The following LSAMP variants were observed in gnomAD, a reference collection of about 807,000 sequenced individuals.
LSAMP encodes the protein limbic system associated membrane protein, also known as limbic system-associated membrane protein.
LSAMP carries 7 observed loss-of-function variants against 38.6 expected under a neutral mutation model. The observed-to-expected ratio is 0.18, with a 90% CI of 0.10 to 0.34. The LOEUF (loss-of-function observed/expected upper bound fraction) is 0.34. Ranked by LOEUF, LSAMP falls within the 10% of genes least tolerant of loss-of-function variation. The pLI is 1.00. For synonymous variants in LSAMP, 154 were observed against 166.8 expected (o/e 0.92, Z 0.59); for missense variants, 313 against 420.0 (o/e 0.75, Z 2.23).
At chr3:116,304,279 A>ATATT (rs1192664814) in intron 1 of LSAMP, among the ~76,000 whole-genome samples, 1 of 152,194 alleles carries the variant, frequency 6.6e-6, no homozygotes, top group African/African-American at 2.4e-5. Context: ...AGATACAGGA[A>ATATT]TATTATATAG....
chr3:116,195,937 A>C (rs1710872883), intron 1 of LSAMP, among the ~76,000 whole-genome samples: 1 of 152,234 alleles, frequency 6.6e-6, no homozygotes, highest in African/African-American at 2.4e-5. Context: ...ATATGTATTA[A>C]GTGATGAGAT....
intron 3 of LSAMP, among the ~76,000 whole-genome samples, chr3:115,874,751 C>T (rs1936138252): frequency 6.6e-6 from 1 of 152,014 alleles, no homozygotes; most frequent in Non-Finnish European, 1.5e-5. Flanking sequence ...CAGTGTGAAG[C>T]AGGCAAGATA....
intron 6 of LSAMP, among the ~76,000 whole-genome samples, chr3:115,839,735 T>C (rs114013815): frequency 0.01 from 1,539 of 152,308 alleles, 17 homozygotes; most frequent in Non-Finnish European, 0.016. Flanking sequence ...TGGTAGTGCC[T>C]ATGTGGGACC....
intron 1 of LSAMP, among the ~76,000 whole-genome samples, chr3:116,286,128 G>A (rs957512856): frequency 6.6e-6 from 1 of 152,144 alleles, no homozygotes; most frequent in East Asian, 1.9e-4. Flanking sequence ...GGGCATTTGA[G>A]GCAATGTCCT....
chr3:116,195,843 C>G (rs1401219136), intron 1 of LSAMP, among the ~76,000 whole-genome samples: 1 of 151,954 alleles, frequency 6.6e-6, no homozygotes, highest in Non-Finnish European at 1.5e-5. Flanking sequence ...GTTCCTAGTC[C>G]CTACCCTAGA....
intron 1 of LSAMP, among the ~76,000 whole-genome samples, chr3:116,227,467 G>C (rs535775423): frequency 6.6e-6 from 1 of 152,266 alleles, no homozygotes; most frequent in Non-Finnish European, 1.5e-5. Flanking sequence ...ATACGAATCA[G>C]ACAGTAAACT....
intron 1 of LSAMP, among the ~76,000 whole-genome samples, chr3:116,218,453 G>A (rs139916193): frequency 5.4e-4 from 82 of 152,024 alleles, no homozygotes; most frequent in African/African-American, 1.9e-3. Flanking sequence ...ACCACTCCTC[G>A]CCACCACTGA....
At chr3:116,099,637 T>C (rs1403981170) in intron 1 of LSAMP, among the ~76,000 whole-genome samples, 1 of 152,204 alleles carries the variant, frequency 6.6e-6, no homozygotes, top group East Asian at 1.9e-4. Flanking sequence ...GATGGTCCAC[T>C]GATTGTCACA....
Position 116,322,826 on chromosome 3 carries a change from C to T in LSAMP, c.155+122051G>A, listed in dbSNP as rs114046586. On this transcript the variant is annotated intron_variant, in intron 1 of 6. Coordinates refer to ENST00000490035, the MANE Select transcript of LSAMP (RefSeq NM_002338.5). ...TTCCGCCATCTTTTCCTTCCTCTTT[C>T]TCTGCTTCTCTACTTTCTTTCCTCC... Among the ~76,000 whole-genome samples, 937 of 152,082 alleles carry T rather than the reference C, an allele frequency of 6.2e-3. 8 individuals are homozygous for T. The highest frequency in any genetic ancestry group is 0.021 in the African/African-American group (890 of 41,510).
intron 1 of LSAMP, among the ~76,000 whole-genome samples, chr3:116,148,296 A>G (rs1294788792): frequency 6.6e-6 from 1 of 151,960 alleles, no homozygotes; most frequent in Non-Finnish European, 1.5e-5. Flanking sequence ...AGAAATAATC[A>G]TTTTGCAAAC....
intron 1 of LSAMP, among the ~76,000 whole-genome samples, chr3:116,141,909 G>A (rs995198404): frequency 7.2e-5 from 11 of 151,946 alleles, no homozygotes; most frequent in Non-Finnish European, 1.6e-4. Flanking sequence ...TGAAAGCAAT[G>A]CCAAGCGAGG....
Position 115,991,883 on chromosome 3 carries a change from G to A in LSAMP, c.514+27632C>T, listed in dbSNP as rs6780356. Among the ~76,000 whole-genome samples the A allele has an allele frequency of 7.1e-3, 1,084 of 152,148 alleles. 20 individuals are homozygous for A. Among genetic ancestry groups the A allele is most frequent in the African/African-American group, 0.025 (1,034 of 41,530 alleles). On this transcript the variant is annotated intron_variant, in intron 3 of 6. Coordinates refer to ENST00000490035, the MANE Select transcript of LSAMP (RefSeq NM_002338.5). ...ATACTGTTGCAAGCTCCAATGGCAG[G>A]AATAAGGCCATGCCATGCCCCAGGG... is the stretch of plus-strand genomic sequence containing the variant.
intron 2 of LSAMP, among the ~76,000 whole-genome samples, chr3:116,053,366 C>G (rs944352090): frequency 6.6e-6 from 1 of 152,134 alleles, no homozygotes; most frequent in African/African-American, 2.4e-5. Flanking sequence ...AGTGTTCTTA[C>G]AATCCAGGAA....
At chr3:115,947,823 A>C (rs548115231) in intron 3 of LSAMP, among the ~76,000 whole-genome samples, 3 of 152,220 alleles carry the variant, frequency 2.0e-5, no homozygotes, top group Non-Finnish European at 4.4e-5. Flanking sequence ...CTCATGGGTA[A>C]CATATTATTG....
intron 1 of LSAMP, among the ~76,000 whole-genome samples, chr3:116,246,400 C>T (rs989370369): frequency 2.6e-5 from 4 of 152,172 alleles, no homozygotes; most frequent in Admixed American, 6.5e-5. Context: ...AGTGCAACCA[C>T]GTTGTGTGCA....
intron 2 of LSAMP, among the ~76,000 whole-genome samples, chr3:116,084,546 C>T (rs1228583647): frequency 6.6e-6 from 1 of 151,550 alleles, no homozygotes; most frequent in Non-Finnish European, 1.5e-5. Context: ...CTCAACTATT[C>T]CCTGAACTGT....
At chr3:116,390,910 C>T (rs920565036) in intron 1 of LSAMP, among the ~76,000 whole-genome samples, 13 of 152,180 alleles carry the variant, frequency 8.5e-5, no homozygotes, top group African/African-American at 2.6e-4. Context: ...TGTACACTGC[C>T]TTCCAGCGGG....
chr3:116,112,249 C>G (rs1708632201), intron 1 of LSAMP, among the ~76,000 whole-genome samples: 1 of 152,142 alleles, frequency 6.6e-6, no homozygotes, highest in Non-Finnish European at 1.5e-5. Context: ...GGGACTGCAA[C>G]TAATCAAAAC....
chr3:116,142,122 T>C (rs775506915), intron 1 of LSAMP, among the ~76,000 whole-genome samples: 1 of 151,992 alleles, frequency 6.6e-6, no homozygotes, highest in Non-Finnish European at 1.5e-5. Flanking sequence ...TAAACACTTA[T>C]AGCATGGACA....
Sources: allele counts gnomAD v4.1 joint callset (sites outside exome capture counted in the v4.1 genomes callset), GRCh38; gene constraint gnomAD v4.1.1; transcripts MANE v1.5; gene names NCBI Gene and HGNC (gene_info 2026-07-23, HGNC 2026-07-21).